ATAD2B: variants seen among roughly 807,000 people sequenced by gnomAD.
ATAD2B encodes the protein ATPase family AAA domain containing 2B, also known as ATPase family AAA domain-containing protein 2B.
A neutral mutation model predicts 167.6 loss-of-function variants in ATAD2B; 40 were observed. The observed-to-expected ratio is 0.24, with a 90% CI of 0.19 to 0.31. The LOEUF (loss-of-function observed/expected upper bound fraction) is 0.31. Among genes scored for constraint, ATAD2B ranks in the 10% least tolerant of loss-of-function variants. The probability of loss-of-function intolerance (pLI) is 1.00; values close to 1 mark genes in which losing one functional copy is unlikely to be tolerated. For missense variants in ATAD2B, 1,242 were observed against 1,757.2 expected, an observed-to-expected ratio of 0.71 and a Z score of 5.24; for synonymous variants, 579 against 596.5, an observed-to-expected ratio of 0.97 and a Z score of 0.43.
intron 22 of ATAD2B, among the ~76,000 whole-genome samples, chr2:23,772,112 C>T (rs909336907): frequency 6.6e-6 from 1 of 151,378 alleles, no homozygotes; most frequent in South Asian, 2.1e-4. Context: ...AACAGTTTTT[C>T]TTTAAATATA....
chr2:23,864,427 C>G (rs574640889), intron 11 of ATAD2B, among the ~76,000 whole-genome samples: 1 of 152,314 alleles, frequency 6.6e-6, no homozygotes, highest in South Asian at 2.1e-4. Context: ...CAAGCTCACT[C>G]TATTTCAAAA....
In ATAD2B at chr2:23,749,184, T is replaced by A. The variant is rs972345018; in HGVS notation, c.*2862A>T. The A allele has an allele frequency of 3.3e-5, 5 of 150,868 alleles. No individual in the cohort carries two copies. Among genetic ancestry groups the A allele is most frequent in the Admixed American group, 2.6e-4 (4 of 15,122 alleles). 9.3% of individuals were successfully genotyped at this position (150,868 alleles called of 1,614,324 possible). A position where few individuals can be genotyped will look rare whatever the true frequency, so the allele number is the denominator to read the frequency against. ...ATGAAACAACATTAAAAAAAAAAAA[T>A]CACAGGTGAGATTCAAGCTCGAAAA... is the stretch of plus-strand genomic sequence containing the variant. On this transcript the variant is annotated 3_prime_UTR_variant, in exon 28 of 28. Coordinates refer to ENST00000238789, the MANE Select transcript of ATAD2B (RefSeq NM_017552.4).
intron 22 of ATAD2B, among the ~76,000 whole-genome samples, chr2:23,774,911 A>C (rs2149358862): frequency 6.6e-6 from 1 of 152,302 alleles, no homozygotes; most frequent in Non-Finnish European, 1.5e-5. Context: ...AAAATAAATA[A>C]GTAAATAAAA....
chr2:23,806,546 CTCA>C (rs1477373750), intron 18 of ATAD2B, among the ~76,000 whole-genome samples: 2 of 152,108 alleles, frequency 1.3e-5, no homozygotes, highest in Non-Finnish European at 2.9e-5. Context: ...CCTTGCTACT[CTCA>C]TATTTATTTT....
At chr2:23,791,348 A>C (rs1681675333) in intron 19 of ATAD2B, among the ~76,000 whole-genome samples, 1 of 152,196 alleles carries the variant, frequency 6.6e-6, no homozygotes, top group African/African-American at 2.4e-5. Flanking sequence ...TTAACTTTGG[A>C]AAGTGGCTGC....
chr2:23,925,126 C>G (rs574950318), intron 1 of ATAD2B, among the ~76,000 whole-genome samples: 1 of 152,152 alleles, frequency 6.6e-6, no homozygotes, highest in East Asian at 1.9e-4. Flanking sequence ...CTCAGTAGGT[C>G]AAGAAGCTTG....
rs182454521 is a variant in ATAD2B at position 23,897,988 on chromosome 2, G to A, written c.217-2018C>T. On this transcript the variant is annotated intron_variant, in intron 1 of 27. Coordinates refer to ENST00000238789, the MANE Select transcript of ATAD2B (RefSeq NM_017552.4). ...TACCTAAATCTCTTTTCTTTTTTGA[G>A]ACAGAGTCTCAATCTATGTGATCAT... Among the ~76,000 whole-genome samples the A allele has an allele frequency of 4.1e-3, 623 of 152,158 alleles. 5 individuals are homozygous for A. Among genetic ancestry groups the A allele is most frequent in the Non-Finnish European group, 6.7e-3 (456 of 67,994 alleles).
chr2:23,737,159 G>A, the ATAD2B span, among the ~76,000 whole-genome samples: 1 of 152,214 alleles, frequency 6.6e-6, no homozygotes, highest in Admixed American at 6.5e-5. Flanking sequence ...AGTAACCTCT[G>A]CAGACTTAAA....
intron 22 of ATAD2B, among the ~76,000 whole-genome samples, chr2:23,782,461 G>C (rs1299808991): frequency 6.6e-6 from 1 of 152,086 alleles, no homozygotes; most frequent in Admixed American, 6.6e-5. Flanking sequence ...ACAATCAAAA[G>C]AACAGATAAC....
At chr2:23,678,198 C>T in the ATAD2B span, among the ~76,000 whole-genome samples, 1 of 152,226 alleles carries the variant, frequency 6.6e-6, no homozygotes, top group Non-Finnish European at 1.5e-5. Context: ...TGGCTTCACT[C>T]TCCTCTAGGC....
In ATAD2B at chr2:23,762,324, T is replaced by G; in HGVS notation, c.3279A>C (p.Gln1093His). The change falls in exon 24 of 28, where the codon CAA becomes CAC. Residue 1093 changes from glutamine to histidine, a missense_variant. Physicochemically the swap from Gln to His is conservative, Grantham distance 24 (BLOSUM62 0). Coordinates refer to ENST00000238789, the MANE Select transcript of ATAD2B (RefSeq NM_017552.4). The stretch of plus-strand genomic sequence containing the variant: ...GAGCTCCAGTACTATGAGGATTTAT[T>G]TGTTCTGATGTTACTGATAAGCCTG... ...IKRGLSVTSE[Q>H]INPHSTGARK... is the part of the protein sequence containing the mutation. 6.2e-7 allele frequency: 1 copy of G among 1,613,526 alleles called. No individual in the cohort carries two copies. Among genetic ancestry groups the G allele is most frequent in the South Asian group, 1.1e-5 (1 of 91,062 alleles).
chr2:23,829,455 T>C (rs1211730879), intron 14 of ATAD2B, among the ~76,000 whole-genome samples: 1 of 152,194 alleles, frequency 6.6e-6, no homozygotes, highest in African/African-American at 2.4e-5. Context: ...TCAAGTTTAA[T>C]TAAATATCAT....
Position 23,926,950 on chromosome 2 carries a change from G to GAGCAGGCGGCGTGCGGGA in ATAD2B, c.-198_-181dup. 1 of 699,438 alleles carries GAGCAGGCGGCGTGCGGGA rather than the reference G, an allele frequency of 1.4e-6. No individual in the cohort carries two copies. Among genetic ancestry groups the GAGCAGGCGGCGTGCGGGA allele is most frequent in the Non-Finnish European group, 2.2e-6 (1 of 457,938 alleles). The allele number at this position is 699,438 out of a possible 1,614,324, so 43.3% of individuals were successfully genotyped here. A position where few individuals can be genotyped will look rare whatever the true frequency, so the allele number is the denominator to read the frequency against. On this transcript the variant is annotated 5_prime_UTR_variant, in exon 1 of 28. Coordinates refer to ENST00000238789, the MANE Select transcript of ATAD2B (RefSeq NM_017552.4). ...CGGGCAGAGGAAGGGAAGTCGGCGT[G>GAGCAGGCGGCGTGCGGGA]AGCAGGCGGCGTGCGGGAAGCGGGG...
At chr2:23,696,086 G>T in the ATAD2B span, 1 of 1,551,802 alleles carries the variant, frequency 6.4e-7, no homozygotes, top group Non-Finnish European at 8.7e-7. This position sits in a 1 kb window ranked among gnomAD's most constrained non-coding sequence, Gnocchi z 5.5. Context: ...TTCTATGACC[G>T]CGAGTTCTTC....
At chr2:23,795,363 T>C (rs746940788) in intron 19 of ATAD2B, among the ~76,000 whole-genome samples, 3 of 152,182 alleles carry the variant, frequency 2.0e-5, no homozygotes, top group African/African-American at 4.8e-5. Context: ...CCTCACTCTG[T>C]TGCCCAGGCT....
intron 1 of ATAD2B, among the ~76,000 whole-genome samples, chr2:23,907,392 C>A (rs1361157567): frequency 6.6e-6 from 1 of 151,802 alleles, no homozygotes; most frequent in African/African-American, 2.4e-5. Context: ...AATAAAATAC[C>A]TAGGAATCCA....
the ATAD2B span, chr2:23,703,600 A>G: frequency 7.8e-7 from 1 of 1,280,362 alleles, no homozygotes; most frequent in Non-Finnish European, 1.0e-6. Context: ...TCCCCAGGCC[A>G]ATCAGTCACT....
At chr2:23,768,879 G>C (rs1359946043) in intron 22 of ATAD2B, among the ~76,000 whole-genome samples, 1 of 152,144 alleles carries the variant, frequency 6.6e-6, no homozygotes, top group East Asian at 1.9e-4. Flanking sequence ...CATTATATGG[G>C]TATAACACAA....
chr2:23,860,685 T>C (rs1283706609), intron 12 of ATAD2B, among the ~76,000 whole-genome samples: 1 of 152,162 alleles, frequency 6.6e-6, no homozygotes, highest in Non-Finnish European at 1.5e-5. Flanking sequence ...TGAAAGACAA[T>C]TCAGGCTGAG....
Sources: allele counts gnomAD v4.1 joint callset (sites outside exome capture counted in the v4.1 genomes callset), GRCh38; gene constraint gnomAD v4.1.1; non-coding constraint Gnocchi (gnomAD v3.1); transcripts MANE v1.5; gene names NCBI Gene and HGNC (gene_info 2026-07-23, HGNC 2026-07-21).